MAP2: variants seen among roughly 807,000 people sequenced by gnomAD.
MAP2 encodes microtubule-associated protein 2.
MAP2 carries 14 observed loss-of-function variants against 137.6 expected under a neutral mutation model. The ratio of observed to expected loss-of-function variants is 0.10; its 90% CI spans 0.07 to 0.16. The LOEUF (loss-of-function observed/expected upper bound fraction) is 0.16. Ranked by LOEUF, MAP2 falls within the 10% of genes least tolerant of loss-of-function variation. The pLI is 1.00. For synonymous variants in MAP2, 786 were observed against 782.3 expected (o/e 1.00, Z -0.08); for missense variants, 2,088 against 2,191.5 (o/e 0.95, Z 0.94).
At chr2:209,509,726 A>G (rs1355527620) in intron 2 of MAP2, among the ~76,000 whole-genome samples, 1 of 151,964 alleles carries the variant, frequency 6.6e-6, no homozygotes, top group Non-Finnish European at 1.5e-5. Context: ...CAGAAAAAGC[A>G]TGTTTATCTG....
intron 1 of MAP2, among the ~76,000 whole-genome samples, chr2:209,449,684 T>C (rs1280267391): frequency 6.6e-6 from 1 of 152,174 alleles, no homozygotes; most frequent in East Asian, 1.9e-4. Context: ...TGAGTGAGTT[T>C]CATCATTAAT....
chr2:209,668,552 T>C (rs1246493275), intron 5 of MAP2, among the ~76,000 whole-genome samples: 1 of 152,048 alleles, frequency 6.6e-6, no homozygotes. Context: ...TTCTAGAATA[T>C]TTTTGACATG....
chr2:209,475,441 G>A (rs1471625688), intron 1 of MAP2, among the ~76,000 whole-genome samples: 1 of 151,854 alleles, frequency 6.6e-6, no homozygotes, highest in Non-Finnish European at 1.5e-5. Flanking sequence ...TAACATTAGG[G>A]AAAAACATAG....
At chr2:209,632,007 G>A (rs556362911) in intron 4 of MAP2, among the ~76,000 whole-genome samples, 5 of 152,276 alleles carry the variant, frequency 3.3e-5, no homozygotes, top group South Asian at 4.1e-4. Flanking sequence ...TGGGGATTCC[G>A]TGGGCAACAC....
Position 209,616,903 on chromosome 2 carries a change from A to C in MAP2, c.-106-8150A>C, listed in dbSNP as rs187792895. Among the ~76,000 whole-genome samples, 6 of 152,270 alleles carry C rather than the reference A, an allele frequency of 3.9e-5. No individual in the cohort carries two copies. The East Asian group carries it at 9.6e-4, about 24-fold the overall frequency. On this transcript the variant is annotated intron_variant, in intron 3 of 15. Transcript: ENST00000682079. ...CAGCCATGTAGAAATATGGTTGGAC[A>C]AAAAGGATATTATCTCATAATTATA...
intron 2 of MAP2, among the ~76,000 whole-genome samples, chr2:209,550,910 C>T (rs955210473): frequency 5.9e-5 from 9 of 152,060 alleles, no homozygotes; most frequent in South Asian, 4.1e-4. Context: ...TAACTTGCAT[C>T]GGGAATTTTA....
intron 7 of MAP2, chr2:209,690,482 A>G (rs1202328938): frequency 4.3e-6 from 3 of 698,974 alleles, no homozygotes; most frequent in Non-Finnish European, 6.0e-6. Context: ...GTAAAATAAA[A>G]AAACAGCTGA....
intron 2 of MAP2, among the ~76,000 whole-genome samples, chr2:209,531,785 T>A (rs191830558): frequency 3.7e-4 from 57 of 152,352 alleles, no homozygotes; most frequent in African/African-American, 1.3e-3. Context: ...ATTATTCAGG[T>A]ACAAATGGTA....
chr2:209,435,955 A>G (rs1308762544), intron 1 of MAP2, among the ~76,000 whole-genome samples: 1 of 142,656 alleles, frequency 7.0e-6, no homozygotes, highest in African/African-American at 2.5e-5. Flanking sequence ...TACTATATAT[A>G]CAGTATATAT....
At chr2:209,469,495 C>T (rs1705099979) in intron 1 of MAP2, among the ~76,000 whole-genome samples, 1 of 152,066 alleles carries the variant, frequency 6.6e-6, no homozygotes, top group Non-Finnish European at 1.5e-5. Context: ...AGTATATGCA[C>T]AATACACTTT....
At chr2:209,705,960 A>G (rs1487232264) in intron 12 of MAP2, among the ~76,000 whole-genome samples, 3 of 152,186 alleles carry the variant, frequency 2.0e-5, no homozygotes. Flanking sequence ...AGACTGATAT[A>G]AAGTTATTTC....
At chr2:209,579,266 T>TGTGC (rs750589135) in intron 2 of MAP2, 3,493 of 69,762 alleles carry the variant, frequency 0.05, 139 homozygotes, top group African/African-American at 0.13. Context: ...GGTGTGTGTG[T>TGTGC]GTGCGTGCGT....
intron 4 of MAP2, among the ~76,000 whole-genome samples, chr2:209,629,380 AG>A (rs2092742455): frequency 6.6e-6 from 1 of 152,096 alleles, no homozygotes; most frequent in Admixed American, 6.6e-5. Flanking sequence ...TATTCCTAGG[AG>A]AAGCACTTGA....
At chr2:209,462,430 C>T (rs1489689739) in intron 1 of MAP2, among the ~76,000 whole-genome samples, 1 of 152,082 alleles carries the variant, frequency 6.6e-6, no homozygotes, top group East Asian at 1.9e-4. Context: ...AAATATTGGA[C>T]CAGAGGTTTG....
chr2:209,665,237 T>C lies in MAP2; in HGVS notation c.262+11805T>C, dbSNP rs182451520. On this transcript the variant is annotated intron_variant, in intron 5 of 15. Coordinates refer to ENST00000682079, the MANE Select transcript of MAP2 (RefSeq NM_001375505.1). ...CAGTAAGATATCAAATTGGAGATAT[T>C]TTCTTGATGATGAAAATTACTGAGC... is the stretch of plus-strand genomic sequence containing the variant. Among the ~76,000 whole-genome samples the C allele has an allele frequency of 4.3e-4, 66 of 152,264 alleles. No individual in the cohort carries two copies. The East Asian group carries it at 0.012, about 27-fold the overall frequency.
intron 1 of MAP2, among the ~76,000 whole-genome samples, chr2:209,463,430 A>G (rs905755030): frequency 1.3e-5 from 2 of 152,180 alleles, no homozygotes; most frequent in Non-Finnish European, 2.9e-5. Flanking sequence ...GACTTCTGCC[A>G]CTAGAGGCCT....
At chr2:209,674,909 C>A (rs2050608739) in intron 5 of MAP2, among the ~76,000 whole-genome samples, 1 of 151,738 alleles carries the variant, frequency 6.6e-6, no homozygotes, top group Non-Finnish European at 1.5e-5. Flanking sequence ...GATGAGGCTT[C>A]CAATGAGAGA....
chr2:209,601,672 T>C (rs1190951094), intron 3 of MAP2, among the ~76,000 whole-genome samples: 1 of 152,194 alleles, frequency 6.6e-6, no homozygotes. Flanking sequence ...GCTAATTTAT[T>C]CTGGGTTTCA....
At chr2:209,687,488 G>C (rs1275177070) in intron 7 of MAP2, among the ~76,000 whole-genome samples, 1 of 152,048 alleles carries the variant, frequency 6.6e-6, no homozygotes, top group African/African-American at 2.4e-5. Context: ...GGTTCACTTA[G>C]ATCAATGGCA....
Sources: allele counts gnomAD v4.1 joint callset (sites outside exome capture counted in the v4.1 genomes callset), GRCh38; gene constraint gnomAD v4.1.1; transcripts MANE v1.5; gene names NCBI Gene and HGNC (gene_info 2026-07-23, HGNC 2026-07-21).